Variants in TMEM74 observed in about 807,000 individuals in gnomAD.
The protein encoded by TMEM74 is transmembrane protein 74.
Under a neutral mutation model 18.1 loss-of-function variants are expected in TMEM74, and 13 were observed. The ratio of observed to expected loss-of-function variants is 0.72; its 90% CI spans 0.47 to 1.14. TMEM74 has a LOEUF of 1.14. TMEM74 is among the 50% of genes most tolerant of loss of function. The pLI is 0.00. For synonymous variants in TMEM74, 159 were observed against 146.6 expected (o/e 1.08, Z -0.61); for missense variants, 372 against 375.9 (o/e 0.99, Z 0.09).
chr8:108,705,527 C>A (rs1448900816), intron 1 of TMEM74, among the ~76,000 whole-genome samples: 1 of 152,128 alleles, frequency 6.6e-6, no homozygotes, highest in Non-Finnish European at 1.5e-5. Flanking sequence ...GTGGGTGTAG[C>A]CCAGCTGGCA....
At chr8:108,678,854 A>G (rs1001560680) in intron 1 of TMEM74, among the ~76,000 whole-genome samples, 1 of 150,826 alleles carries the variant, frequency 6.6e-6, no homozygotes, top group African/African-American at 2.4e-5. Context: ...CCATTAACTC[A>G]TCATTTAGCA....
intron 1 of TMEM74, among the ~76,000 whole-genome samples, chr8:108,725,809 A>C (rs1813631606): frequency 6.6e-6 from 1 of 152,208 alleles, no homozygotes; most frequent in Non-Finnish European, 1.5e-5. Flanking sequence ...TTAATTAATC[A>C]GGATATGTGT....
rs3049758 is a variant in TMEM74, at chr8:108,732,782, A to AATAT, written n.119+54690_119+54693dup. ...AATTATACATAGACAAATATTTTCA[A>AATAT]ATATATATATATATGTATATATATG... On this transcript the variant is annotated intron_variant and non_coding_transcript_variant, in intron 1 of 3. Coordinates refer to the TMEM74 transcript ENST00000518838. Among the ~76,000 whole-genome samples, 1,055 of 148,248 alleles carry AATAT rather than the reference A, an allele frequency of 7.1e-3. 10 individuals are homozygous for AATAT. Among genetic ancestry groups the AATAT allele is most frequent in the Middle Eastern group, 0.022 (6 of 278 alleles).
chr8:108,696,959 C>T (rs781412968), intron 1 of TMEM74, among the ~76,000 whole-genome samples: 3 of 152,178 alleles, frequency 2.0e-5, no homozygotes, highest in Non-Finnish European at 2.9e-5. Context: ...ATTTCTGCGG[C>T]TAGTCCAGCA....
intron 1 of TMEM74, among the ~76,000 whole-genome samples, chr8:108,675,796 G>A (rs1007741396): frequency 1.3e-5 from 2 of 152,224 alleles, no homozygotes; most frequent in African/African-American, 4.8e-5. Flanking sequence ...CAGGGCATAG[G>A]CCTAGGCCAG....
chr8:108,674,816 A>G (rs1193640321), intron 1 of TMEM74, among the ~76,000 whole-genome samples: 5 of 152,186 alleles, frequency 3.3e-5, no homozygotes, highest in Admixed American at 3.3e-4. Context: ...GCTGCAGACA[A>G]TCTGTGAGTT....
At chr8:108,664,504 A>C (rs1812930747) in intron 1 of TMEM74, among the ~76,000 whole-genome samples, 1 of 152,108 alleles carries the variant, frequency 6.6e-6, no homozygotes, top group Non-Finnish European at 1.5e-5. Context: ...AGACTTCGTT[A>C]AAGTTGTTTT....
intron 2 of TMEM74, chr8:108,652,449 A>G (rs1402386320): frequency 1.4e-5 from 5 of 361,620 alleles, no homozygotes; most frequent in Non-Finnish European, 5.2e-6. Context: ...TACCTAAAAT[A>G]TCTGAGAGCT....
chr8:108,730,768 G>A (rs539238720), intron 1 of TMEM74, among the ~76,000 whole-genome samples: 14 of 151,864 alleles, frequency 9.2e-5, no homozygotes, highest in African/African-American at 3.4e-4. Context: ...GAGTAGCTGG[G>A]ACTACAGGCA....
At chr8:108,715,425 G>A (rs561034371) in intron 1 of TMEM74, among the ~76,000 whole-genome samples, 129 of 151,240 alleles carry the variant, frequency 8.5e-4, no homozygotes, top group Non-Finnish European at 1.2e-3. Flanking sequence ...AAATAGAAGC[G>A]GAAAAAGAAA....
At chr8:108,665,064 T>C (rs1812935601) in intron 1 of TMEM74, among the ~76,000 whole-genome samples, 1 of 152,100 alleles carries the variant, frequency 6.6e-6, no homozygotes, top group Non-Finnish European at 1.5e-5. Flanking sequence ...AATGGTCACA[T>C]ACCTTGATAT....
At chr8:108,640,888 A>C (rs1472006087) in intron 2 of TMEM74, among the ~76,000 whole-genome samples, 2 of 152,162 alleles carry the variant, frequency 1.3e-5, no homozygotes, top group East Asian at 3.9e-4. Context: ...TGCTATTAAC[A>C]ACTCTTAGCC....
chr8:108,777,444 A>G (rs934680543), downstream of TMEM74, among the ~76,000 whole-genome samples: 2 of 152,186 alleles, frequency 1.3e-5, no homozygotes, highest in African/African-American at 4.8e-5. Flanking sequence ...CATTAGGGGT[A>G]AGAAGTAGGA....
At chr8:108,694,630 G>T (rs79610092) in intron 1 of TMEM74, among the ~76,000 whole-genome samples, 4,464 of 152,208 alleles carry the variant, frequency 0.029, 120 homozygotes, top group African/African-American at 0.066. Flanking sequence ...GAGAAGGCTC[G>T]CTGTATTGCC....
intron 2 of TMEM74, among the ~76,000 whole-genome samples, chr8:108,641,377 G>A (rs572070820): frequency 6.6e-5 from 10 of 152,216 alleles, no homozygotes; most frequent in African/African-American, 1.2e-4. Context: ...TCCTGTAAGC[G>A]TATATGTTTA....
At chr8:108,760,383 G>A (rs554402252) in intron 1 of TMEM74, among the ~76,000 whole-genome samples, 2 of 152,196 alleles carry the variant, frequency 1.3e-5, no homozygotes, top group East Asian at 1.9e-4. Context: ...GTAGCAATGC[G>A]CGGTCACAGA....
At chr8:108,746,491 C>T (rs1230946298) in intron 1 of TMEM74, among the ~76,000 whole-genome samples, 2 of 152,004 alleles carry the variant, frequency 1.3e-5, no homozygotes, top group Non-Finnish European at 2.9e-5. Flanking sequence ...TACCTCCTGG[C>T]AATGGTATTT....
Position 108,622,806 on chromosome 8 carries a change from G to T in TMEM74, n.265-13980C>A, listed in dbSNP as rs1812456595. ...AAATTTCTTTCATAATCAACTTTAT[G>T]CTACATATTTCAGAATGTCAAATTA... is the stretch of plus-strand genomic sequence containing the variant. On this transcript the variant is annotated intron_variant and non_coding_transcript_variant, in intron 2 of 3. Coordinates refer to the TMEM74 transcript ENST00000518838. Among the ~76,000 whole-genome samples the T allele has an allele frequency of 2.0e-5, 3 of 152,048 alleles. No individual in the cohort carries two copies. The South Asian group carries it at 6.2e-4, about 32-fold the overall frequency.
rs1814269931 is a variant in TMEM74 at position 108,778,981 on chromosome 8, TAAATA to T, written c.*5195_*5199del. Among the ~76,000 whole-genome samples, 1 of 152,154 alleles carries T rather than the reference TAAATA, an allele frequency of 6.6e-6. No homozygotes were observed. Among genetic ancestry groups the T allele is most frequent in the African/African-American group, 2.4e-5 (1 of 41,458 alleles). Reference sequence around the variant, plus strand: ...AAGAATGACAAACCTAAATTAGGGGTAAATATTCATTTTAATTTTTTTGGACAAAT... The same window carrying T: ...AAGAATGACAAACCTAAATTAGGGGTTTCATTTTAATTTTTTTGGACAAAT... On this transcript the variant is annotated 3_prime_UTR_variant, in exon 2 of 2. Transcript: ENST00000297459.
Sources: allele counts gnomAD v4.1 joint callset (sites outside exome capture counted in the v4.1 genomes callset), GRCh38; gene constraint gnomAD v4.1.1; transcripts MANE v1.5; gene names NCBI Gene and HGNC (gene_info 2026-07-23, HGNC 2026-07-21).